CHD9: variants seen among roughly 807,000 people sequenced by gnomAD.
CHD9 encodes the protein ATP-dependent chromatin remodeler CHD9.
In CHD9, 77 loss-of-function variants were observed where a neutral mutation model predicts 316.1. The ratio of observed to expected loss-of-function variants is 0.24; its 90% CI spans 0.20 to 0.29. The LOEUF (loss-of-function observed/expected upper bound fraction) is 0.29. Ranked by LOEUF, CHD9 falls within the 10% of genes least tolerant of loss-of-function variation. The pLI is 1.00. For missense variants in CHD9, 2,763 were observed against 3,438.1 expected (o/e 0.80, Z 4.91); for synonymous variants, 1,129 against 1,158.3 (o/e 0.97, Z 0.51).
At chr16:53,320,727 T>C (rs1187347359) in intron 37 of CHD9, among the ~76,000 whole-genome samples, 1 of 152,184 alleles carries the variant, frequency 6.6e-6, no homozygotes, top group African/African-American at 2.4e-5. Context: ...TTTCAAAATA[T>C]TATTTTGTCT....
chr16:53,311,869 T>A (rs2056505048), intron 34 of CHD9: 1 of 152,226 alleles, frequency 6.6e-6, no homozygotes, highest in Non-Finnish European at 1.5e-5. Flanking sequence ...TTTTGATGAT[T>A]TGAGATAGCA....
chr16:53,179,305 T>A (rs1387526422), intron 2 of CHD9, among the ~76,000 whole-genome samples: 2 of 148,506 alleles, frequency 1.3e-5, no homozygotes, highest in Non-Finnish European at 3.0e-5. Context: ...TTCCCAGTTG[T>A]TAGAACCAGC....
chr16:53,111,950 G>A (rs1390301275), intron 1 of CHD9, among the ~76,000 whole-genome samples: 1 of 152,164 alleles, frequency 6.6e-6, no homozygotes, highest in Admixed American at 6.6e-5. Flanking sequence ...TATCCCTGCA[G>A]AGAAGATATC....
At chr16:53,259,081 T>A (rs1169425369) in intron 19 of CHD9, among the ~76,000 whole-genome samples, 1 of 152,068 alleles carries the variant, frequency 6.6e-6, no homozygotes, top group Non-Finnish European at 1.5e-5. Context: ...AGAAGAAAAA[T>A]TTAGGGGGAA....
intron 1 of CHD9, among the ~76,000 whole-genome samples, chr16:53,086,436 C>T (rs867546322): frequency 2.6e-5 from 4 of 152,150 alleles, no homozygotes; most frequent in Admixed American, 2.0e-4. Context: ...GGGTAACTGT[C>T]CCTGCCTGTC....
intron 1 of CHD9, among the ~76,000 whole-genome samples, chr16:53,098,203 TG>T (rs1034459209): frequency 4.0e-5 from 6 of 149,240 alleles, no homozygotes; most frequent in Non-Finnish European, 8.9e-5. Context: ...CAGACAGGCG[TG>T]GTGGCTTACG....
Position 53,306,360 on chromosome 16 carries a change from A to C in CHD9, c.6743A>C (p.Gln2248Pro). 1.2e-6 allele frequency: 2 copies of C among 1,606,176 alleles called. No homozygotes were observed. The highest frequency in any genetic ancestry group is 1.7e-6 in the Non-Finnish European group (2 of 1,177,026). ...NGTPESAYIL[Q>P]GGYMLAASYW... Reference sequence around the variant, plus strand: ...ACACCAGAGTCTGCTTATATCTTACAAGGTGGATATATGCTGGCAGCCTCG... The same window carrying C: ...ACACCAGAGTCTGCTTATATCTTACCAGGTGGATATATGCTGGCAGCCTCG... Residue 2248 changes from glutamine to proline, a missense_variant, in exon 32 of 39, where the codon CAA becomes CCA. Gln to Pro is a moderately conservative substitution (Grantham distance 76). Around this residue, in one of 15 missense-constraint regions of CHD9, gnomAD observed 663 missense variants for 751.2 expected, o/e 0.88. Transcript: ENST00000447540.
intron 30 of CHD9, among the ~76,000 whole-genome samples, chr16:53,297,966 A>G (rs145170173): frequency 6.6e-6 from 1 of 152,256 alleles, no homozygotes; most frequent in African/African-American, 2.4e-5. Context: ...AATGACAGCT[A>G]AAGCAAAATA....
At position 53,247,518 on chromosome 16, in the gene CHD9, A is replaced by G; in HGVS notation, c.3665+15A>G. ...ATACATAAAAGGTAAAGCATACTGA[A>G]TTTACTGTGAATTATGCTAAGTATA... On this transcript the variant is annotated intron_variant, in intron 16 of 38. Coordinates refer to ENST00000447540, the MANE Select transcript of CHD9 (RefSeq NM_001308319.2). 1 of 1,531,040 alleles carries G rather than the reference A, an allele frequency of 6.5e-7. No homozygotes were observed. Among genetic ancestry groups the G allele is most frequent in the African/African-American group, 1.4e-5 (1 of 73,470 alleles). 94.8% of individuals were successfully genotyped at this position (1,531,040 alleles called of 1,614,324 possible). A position where few individuals can be genotyped will look rare whatever the true frequency, so the allele number is the denominator to read the frequency against.
intron 1 of CHD9, among the ~76,000 whole-genome samples, chr16:53,078,448 C>T (rs752597683): frequency 3.3e-5 from 5 of 152,198 alleles, no homozygotes; most frequent in African/African-American, 7.2e-5. Flanking sequence ...GCACAAAGGT[C>T]GTCTCAAGGT....
intron 34 of CHD9, 56 bp from the exon 35 acceptor site, chr16:53,314,321 T>C: frequency 7.9e-7 from 1 of 1,271,742 alleles, no homozygotes; most frequent in Non-Finnish European, 1.1e-6. Flanking sequence ...GGGATTACTT[T>C]CAGTTTGTTT....
intron 1 of CHD9, chr16:53,121,969 T>C (rs994286089): frequency 6.6e-6 from 1 of 152,284 alleles, no homozygotes; most frequent in Non-Finnish European, 1.5e-5. Context: ...TACTATTCAT[T>C]AGTGCTGAGA....
intron 19 of CHD9, among the ~76,000 whole-genome samples, chr16:53,260,177 T>C (rs2050961803): frequency 6.6e-6 from 1 of 152,194 alleles, no homozygotes; most frequent in Non-Finnish European, 1.5e-5. Context: ...TAGTCTTTGT[T>C]CTTTCAAGTT....
intron 2 of CHD9, among the ~76,000 whole-genome samples, chr16:53,202,817 A>G (rs1457145831): frequency 6.6e-6 from 1 of 152,206 alleles, no homozygotes; most frequent in Admixed American, 6.5e-5. Flanking sequence ...AAACCTGGGT[A>G]CTACTGCGAG....
intron 3 of CHD9, among the ~76,000 whole-genome samples, chr16:53,220,596 ATTTT>A: frequency 6.6e-6 from 1 of 151,958 alleles, no homozygotes; most frequent in South Asian, 2.1e-4. Context: ...CAACTGCTTT[ATTTT>A]TTTTATTTAT....
intron 1 of CHD9, among the ~76,000 whole-genome samples, chr16:53,089,141 C>T (rs2152549515): frequency 6.6e-6 from 1 of 151,028 alleles, no homozygotes; most frequent in East Asian, 2.0e-4. Flanking sequence ...TAATAATTAG[C>T]CAGCCATGGT....
intron 21 of CHD9, among the ~76,000 whole-genome samples, 193 bp downstream of exon 21, chr16:53,267,683 A>G (rs192750011): frequency 4.6e-5 from 7 of 152,330 alleles, no homozygotes; most frequent in Admixed American, 1.3e-4. Context: ...TCAAAGTATC[A>G]CTAAAGTCAA....
At chr16:53,242,804 A>C in intron 12 of CHD9, 36 bp from the exon 13 acceptor site, 1 of 1,562,334 alleles carries the variant, frequency 6.4e-7, no homozygotes, top group Non-Finnish European at 8.7e-7. Context: ...TGCAATTAAA[A>C]TATTCCAGCA....
chr16:53,085,057 C>T (rs569028291), intron 1 of CHD9, among the ~76,000 whole-genome samples: 6 of 152,232 alleles, frequency 3.9e-5, no homozygotes, highest in Non-Finnish European at 5.9e-5. Flanking sequence ...GGAGACTTCA[C>T]GTAAAATCCA....
Sources: gnomAD v4.1 joint callset for allele counts (sites outside exome capture counted in the v4.1 genomes callset) on GRCh38, gnomAD v4.1.1 for gene constraint, gnomAD v4.1.1 regional missense constraint, MANE v1.5 for transcripts, NCBI Gene and HGNC (gene_info 2026-07-23, HGNC 2026-07-21) for gene names.